Variants in OTOA observed in about 807,000 individuals in gnomAD.
The protein encoded by OTOA is cancer/testis antigen 108.
In OTOA, 70 loss-of-function variants were observed where a neutral mutation model predicts 110.8. The observed-to-expected ratio is 0.63, with a 90% confidence interval of 0.52 to 0.77. The LOEUF (loss-of-function observed/expected upper bound fraction) is 0.77, where lower values mean the gene tolerates loss of function less well. OTOA is among the 30% of genes least tolerant of loss of function. The probability of loss-of-function intolerance (pLI) is 0.00; values close to 1 mark genes in which losing one functional copy is unlikely to be tolerated. For missense variants in OTOA, 917 were observed against 1,075.8 expected, an observed-to-expected ratio of 0.85 and a Z score of 2.06; for synonymous variants, 373 against 431.5, an observed-to-expected ratio of 0.86 and a Z score of 1.68.
chr16:21,719,115 A>G lies in OTOA; in HGVS notation c.1630-18A>G, dbSNP rs749554030. On this transcript the variant is annotated intron_variant, in intron 15 of 28. Coordinates refer to ENST00000646100, the MANE Select transcript of OTOA (RefSeq NM_144672.4). ...GCTGAGTGTGCCATCAGTGCTAACG[A>G]TCATTCTCTTCTCGCAGGCTCTGTT... is the stretch of plus-strand genomic sequence containing the variant. 5 of 1,611,996 alleles carry G rather than the reference A, an allele frequency of 3.1e-6. No homozygotes were observed. In the East Asian group the frequency reaches 1.1e-4, roughly 36 times the overall value.
intron 21 of OTOA, among the ~76,000 whole-genome samples, chr16:21,734,555 G>A (rs899377488): frequency 3.6e-4 from 54 of 152,090 alleles, no homozygotes; most frequent in Non-Finnish European, 2.5e-4. Context: ...AAATAAAAAG[G>A]GCCAGGTGCA....
In OTOA at chr16:21,728,284, A is replaced by C. The variant is rs753577013; in HGVS notation, c.2060A>C (p.Asn687Thr). Reference sequence around the variant, plus strand: ...GAGTACACTGTGGACATCATGGGGAACCTGCTGTGTCACTTGCCGGCAGCC... The same window carrying C: ...GAGTACACTGTGGACATCATGGGGACCCTGCTGTGTCACTTGCCGGCAGCC... ...ADEYTVDIMG[N>T]LLCHLPAAII... The change falls in exon 20 of 29, where the codon AAC (asparagine) becomes ACC (threonine). Residue 687 changes from asparagine (N) to threonine (T), a missense_variant. By Grantham distance (65) the Asn-to-Thr change is moderately conservative. Coordinates refer to ENST00000646100, the MANE Select transcript of OTOA (RefSeq NM_144672.4). 2 of 1,614,078 alleles carry C rather than the reference A, an allele frequency of 1.2e-6. No individual in the cohort carries two copies. Among genetic ancestry groups the C allele is most frequent in the Non-Finnish European group, 1.7e-6 (2 of 1,180,000 alleles).
At chr16:21,691,512 T>G (rs908201012) in intron 8 of OTOA, 72 bp from the exon 9 acceptor site, 1 of 1,255,054 alleles carries the variant, frequency 8.0e-7, no homozygotes, top group African/African-American at 1.5e-5. Context: ...TCACATTTGC[T>G]GTTGTGACTC....
At position 21,702,623 on chromosome 16, in the gene OTOA, A is replaced by C. The variant is rs961630119; in HGVS notation, c.980+1596A>C. Among the ~76,000 whole-genome samples the C allele has an allele frequency of 2.6e-5, 4 of 152,212 alleles. 1 individual carries two copies. The highest frequency in any genetic ancestry group is 7.2e-5 in the African/African-American group (3 of 41,458). ...ATGCCTACTGCATTAAGGTCTTTGT[A>C]GGGATTTGCACACTTGACACATAGT... On this transcript the variant is annotated intron_variant, in intron 11 of 28. Coordinates refer to ENST00000646100, the MANE Select transcript of OTOA (RefSeq NM_144672.4).
chr16:21,679,126 G>A (rs1184703872), intron 4 of OTOA, 58 bp from the exon 5 acceptor site: 13 of 1,612,918 alleles, frequency 8.1e-6, no homozygotes, highest in African/African-American at 1.3e-5. Flanking sequence ...GAATGTAGCT[G>A]TGATCTCTCT....
At chr16:21,731,462 A>G (rs1022440344) in intron 21 of OTOA, among the ~76,000 whole-genome samples, 9 of 152,262 alleles carry the variant, frequency 5.9e-5, no homozygotes, top group Non-Finnish European at 1.0e-4. Flanking sequence ...TCTCAAGGGC[A>G]TAGAACAATT....
rs1897690326 is a variant in OTOA at position 21,685,251 on chromosome 16, G to C, written c.289G>C (p.Glu97Gln). ...ACAGGCAGCCGTGGAAAACCACCTG[G>C]AGCAGCGTCTGCACCAGCCCCAGAA... is the stretch of plus-strand genomic sequence containing the variant. ...SLQAAVENHL[E>Q]QRLHQPQKLL... The change falls in exon 7 of 29, where the codon GAG becomes CAG. Residue 97 changes from glutamate to glutamine, a missense_variant. Around this residue, in one of 6 missense-constraint regions of OTOA, gnomAD observed 840 missense variants for 910.2 expected, o/e 0.92. Transcript: ENST00000646100. 1 of 1,612,456 alleles carries C rather than the reference G, an allele frequency of 6.2e-7. No individual in the cohort carries two copies. Among genetic ancestry groups the C allele is most frequent in the South Asian group, 1.1e-5 (1 of 90,996 alleles).
chr16:21,713,882 G>A (rs1029529520), intron 13 of OTOA, among the ~76,000 whole-genome samples: 2 of 152,172 alleles, frequency 1.3e-5, no homozygotes, highest in African/African-American at 2.4e-5. Context: ...CACCTTGACA[G>A]TCCTCTCTGA....
In OTOA at chr16:21,664,897, G is replaced by A. The variant is rs930229293; in HGVS notation, c.-5+665G>A. Among the ~76,000 whole-genome samples, 122 of 151,924 alleles carry A rather than the reference G, an allele frequency of 8.0e-4. 2 individuals carry two copies. Among genetic ancestry groups the A allele is most frequent in the Admixed American group, 7.2e-4 (11 of 15,236 alleles). Reference sequence around the variant, plus strand: ...TGAGGCAGGAGAATCGCATCAATCCGGCAGGTGGAGGTTGCAGTGAGCCGA... The same window carrying A: ...TGAGGCAGGAGAATCGCATCAATCCAGCAGGTGGAGGTTGCAGTGAGCCGA... On this transcript the variant is annotated intron_variant, in intron 1 of 28. Transcript: ENST00000646100.
intron 8 of OTOA, 152 bp downstream of exon 8, chr16:21,687,800 G>A: frequency 1.4e-6 from 1 of 708,850 alleles, no homozygotes; most frequent in Non-Finnish European, 2.4e-6. Flanking sequence ...CAAGTAGCTG[G>A]GACTACAGGG....
chr16:21,726,985 TG>T, intron 19 of OTOA: 1 of 325,972 alleles, frequency 3.1e-6, no homozygotes. Context: ...ATCTGTAAGG[TG>T]GGGGGAGTAG....
chr16:21,714,251 TTTTCTTTCTTTC>T (rs5816158), intron 13 of OTOA, among the ~76,000 whole-genome samples: 1 of 133,674 alleles, frequency 7.5e-6, no homozygotes, highest in Non-Finnish European at 1.6e-5. Flanking sequence ...TTTCTTTCTT[TTTTCTTTCTTTC>T]TTTCTTTCTT....
intron 21 of OTOA, among the ~76,000 whole-genome samples, chr16:21,734,982 TA>T (rs4017415): frequency 4.0e-5 from 6 of 149,412 alleles, no homozygotes; most frequent in East Asian, 3.9e-4. Flanking sequence ...ACAATAAAAA[TA>T]AAAAAAAATT....
chr16:21,679,673 G>A (rs1344830596), intron 5 of OTOA, among the ~76,000 whole-genome samples: 2 of 152,102 alleles, frequency 1.3e-5, no homozygotes, highest in Non-Finnish European at 2.9e-5. Context: ...CCAAAGTGCT[G>A]GGATTACAGG....
chr16:21,668,157 G>A (rs866756860), intron 1 of OTOA, among the ~76,000 whole-genome samples: 3 of 152,054 alleles, frequency 2.0e-5, no homozygotes, highest in Non-Finnish European at 2.9e-5. Flanking sequence ...CACTCAGGCT[G>A]GAGTGCTGTG....
chr16:21,665,459 GGTTACTA>G (rs1330774638), intron 1 of OTOA, among the ~76,000 whole-genome samples: 1 of 152,148 alleles, frequency 6.6e-6, no homozygotes, highest in Non-Finnish European at 1.5e-5. Context: ...CTGGGATTAA[GGTTACTA>G]GGGAGCCCCA....
Position 21,722,944 on chromosome 16 carries a change from T to C in OTOA, c.1846T>C (p.Leu616=). Residue 616 remains leucine, a synonymous_variant, in exon 18 of 29, where the codon TTG becomes CTG. Coordinates refer to ENST00000646100, the MANE Select transcript of OTOA (RefSeq NM_144672.4). ...GTGGAAATACTGGGAAGTTTCCAGA[T>C]TGTCTATGCCACCTTTCCTCTTGGC... is the stretch of plus-strand genomic sequence containing the variant. The part of the protein sequence containing the change: ...LAWKYWEVSR[L]SMPPFLLAAL... 6.2e-7 allele frequency: 1 copy of C among 1,614,188 alleles called. No homozygotes were observed. Among genetic ancestry groups the C allele is most frequent in the Non-Finnish European group, 8.5e-7 (1 of 1,180,020 alleles).
chr16:21,683,157 G>T (rs1966927029), intron 6 of OTOA, among the ~76,000 whole-genome samples: 1 of 152,196 alleles, frequency 6.6e-6, no homozygotes, highest in Non-Finnish European at 1.5e-5. Context: ...AGGCAGTCAT[G>T]ATACTACCCA....
intron 5 of OTOA, 112 bp downstream of exon 5, chr16:21,679,323 A>G: frequency 8.5e-7 from 1 of 1,180,400 alleles, no homozygotes; most frequent in Non-Finnish European, 1.2e-6. Context: ...AAAAATGTCA[A>G]TCAATGCACA....
Sources: allele counts gnomAD v4.1 joint callset (sites outside exome capture counted in the v4.1 genomes callset), GRCh38; gene constraint gnomAD v4.1.1; regional missense constraint gnomAD v4.1.1; transcripts MANE v1.5; gene names NCBI Gene and HGNC (gene_info 2026-07-23, HGNC 2026-07-21).